Variants in NELL2 observed in about 807,000 individuals in gnomAD.
The protein encoded by NELL2 is protein kinase C-binding protein NELL2.
A neutral mutation model predicts 109.6 loss-of-function variants in NELL2; 41 were observed. The ratio of observed to expected loss-of-function variants is 0.37; its 90% CI spans 0.29 to 0.49. The LOEUF is 0.49. Ranked by LOEUF, NELL2 falls within the 20% of genes least tolerant of loss-of-function variation. NELL2 has a pLI of 0.98. For synonymous variants in NELL2, 355 were observed against 344.7 expected (o/e 1.03, Z -0.33); for missense variants, 900 against 1,008.3 (o/e 0.89, Z 1.45).
intron 13 of NELL2, among the ~76,000 whole-genome samples, chr12:44,629,332 A>C (rs1269091852): frequency 6.6e-6 from 1 of 152,214 alleles, no homozygotes; most frequent in African/African-American, 2.4e-5. Context: ...CATTTTTCCT[A>C]TTGATAGGAT....
intron 9 of NELL2, among the ~76,000 whole-genome samples, chr12:44,720,172 T>C (rs1019406858): frequency 2.0e-5 from 3 of 152,164 alleles, no homozygotes; most frequent in Non-Finnish European, 4.4e-5. Context: ...TGAACACATT[T>C]TCCTTTTCTC....
chr12:44,636,928 G>A (rs994400694), intron 13 of NELL2, among the ~76,000 whole-genome samples: 13 of 152,036 alleles, frequency 8.6e-5, no homozygotes, highest in Non-Finnish European at 4.4e-5. Flanking sequence ...CTCAATTTCA[G>A]ACCTTGTTAT....
chr12:44,648,985 C>T (rs1170466138), intron 13 of NELL2, among the ~76,000 whole-genome samples: 7 of 148,224 alleles, frequency 4.7e-5, no homozygotes, highest in African/African-American at 1.0e-4. Context: ...AGACTGGTTT[C>T]GAACTCCTGA....
At chr12:44,558,611 G>GGATGTGA (rs1943345135) in intron 15 of NELL2, among the ~76,000 whole-genome samples, 1 of 152,090 alleles carries the variant, frequency 6.6e-6, no homozygotes, top group South Asian at 2.1e-4. Context: ...AAGCTGTGAG[G>GGATGTGA]GACTGTGCCA....
intron 16 of NELL2, among the ~76,000 whole-genome samples, chr12:44,525,572 T>G (rs1941727524): frequency 6.6e-6 from 1 of 152,200 alleles, no homozygotes; most frequent in South Asian, 2.1e-4. Flanking sequence ...TTTTTACACA[T>G]AGTTTGGTTA....
At chr12:44,592,729 T>C (rs904171937) in intron 15 of NELL2, among the ~76,000 whole-genome samples, 5 of 152,152 alleles carry the variant, frequency 3.3e-5, no homozygotes, top group Non-Finnish European at 5.9e-5. Flanking sequence ...ATATGTGCTA[T>C]TGCAGATTTT....
intron 3 of NELL2, among the ~76,000 whole-genome samples, chr12:44,809,428 T>C (rs533555947): frequency 1.3e-5 from 2 of 152,214 alleles, no homozygotes; most frequent in East Asian, 1.9e-4. Flanking sequence ...AGAACTCCTT[T>C]AATCAGCCTG....
At chr12:44,573,670 A>G (rs928327622) in intron 15 of NELL2, among the ~76,000 whole-genome samples, 2 of 152,246 alleles carry the variant, frequency 1.3e-5, no homozygotes, top group African/African-American at 4.8e-5. Context: ...GTCACAGAAT[A>G]TATGGTTGGA....
chr12:44,664,608 G>A (rs1384915540), intron 13 of NELL2, among the ~76,000 whole-genome samples: 3 of 152,024 alleles, frequency 2.0e-5, no homozygotes, highest in Non-Finnish European at 4.4e-5. Context: ...TCTAGGTTTT[G>A]TTTATACATG....
chr12:44,875,584 C>G, intron 1 of NELL2: 8 of 1,613,776 alleles, frequency 5.0e-6, no homozygotes, highest in Non-Finnish European at 6.8e-6. Flanking sequence ...CTTCTCTCTG[C>G]AAAGTTCCCC....
At position 44,704,844 on chromosome 12, in the gene NELL2, C is replaced by A. The variant is rs192214024; in HGVS notation, c.1190-990G>T. On this transcript the variant is annotated intron_variant, in intron 11 of 19. Coordinates refer to ENST00000429094, the MANE Select transcript of NELL2 (RefSeq NM_001145108.2). Reference sequence around the variant, plus strand: ...GGCCAGCCTGGCCAACATGGTGAAACCCCGTCTGTACTAAAAATATAAAAA... The same window carrying A: ...GGCCAGCCTGGCCAACATGGTGAAAACCCGTCTGTACTAAAAATATAAAAA... Among the ~76,000 whole-genome samples the A allele has an allele frequency of 4.5e-3, 686 of 151,836 alleles. 13 individuals are homozygous for A. Among genetic ancestry groups the A allele is most frequent in the East Asian group, 0.034 (173 of 5,146 alleles).
At chr12:44,719,541 T>C (rs945571769) in intron 9 of NELL2, among the ~76,000 whole-genome samples, 3 of 152,050 alleles carry the variant, frequency 2.0e-5, no homozygotes, top group African/African-American at 7.2e-5. Flanking sequence ...TTGGTACCAA[T>C]ACCTTTAAAA....
intron 2 of NELL2, among the ~76,000 whole-genome samples, chr12:44,841,543 T>C (rs1237082850): frequency 2.0e-5 from 3 of 152,312 alleles, no homozygotes; most frequent in East Asian, 3.9e-4. Context: ...TCTGGCTTTC[T>C]ACCTAGGGAC....
At chr12:44,591,043 A>G (rs967964171) in intron 15 of NELL2, among the ~76,000 whole-genome samples, 2 of 152,216 alleles carry the variant, frequency 1.3e-5, no homozygotes, top group Admixed American at 6.5e-5. Context: ...ATCAATAATC[A>G]TCAGGGAAAT....
At chr12:44,563,507 T>A (rs1310101718) in intron 15 of NELL2, among the ~76,000 whole-genome samples, 1 of 152,194 alleles carries the variant, frequency 6.6e-6, no homozygotes, top group African/African-American at 2.4e-5. Context: ...TCATCATTCA[T>A]CCATAGTTTT....
intron 9 of NELL2, among the ~76,000 whole-genome samples, chr12:44,751,681 T>G (rs1169674810): frequency 6.6e-6 from 1 of 152,116 alleles, no homozygotes; most frequent in African/African-American, 2.4e-5. Context: ...AACTTATATA[T>G]GTTGTTAAAA....
chr12:44,592,403 A>G (rs2136227064), intron 15 of NELL2, among the ~76,000 whole-genome samples: 1 of 152,346 alleles, frequency 6.6e-6, no homozygotes, highest in East Asian at 1.9e-4. Context: ...TTAGGAAAAT[A>G]TCTTGATTAC....
At chr12:44,791,072 T>TAC (rs1446588953) in intron 3 of NELL2, among the ~76,000 whole-genome samples, 1 of 10,600 alleles carries the variant, frequency 9.4e-5, no homozygotes, top group Non-Finnish European at 2.5e-4. Flanking sequence ...CAAGTATATA[T>TAC]ATATATATAC....
At chr12:44,782,224 T>C (rs1053050354) in intron 3 of NELL2, among the ~76,000 whole-genome samples, 4 of 151,922 alleles carry the variant, frequency 2.6e-5, no homozygotes, top group Admixed American at 2.0e-4. Context: ...AAGTTATGTA[T>C]ATATAATGGA....
Sources: allele counts gnomAD v4.1 joint callset (sites outside exome capture counted in the v4.1 genomes callset), GRCh38; gene constraint gnomAD v4.1.1; transcripts MANE v1.5; gene names NCBI Gene and HGNC (gene_info 2026-07-23, HGNC 2026-07-21).